Variants in KCNMA1 observed in about 807,000 individuals in gnomAD.
The protein encoded by KCNMA1 is potassium calcium-activated channel subfamily M alpha 1.
Under a neutral mutation model 140.0 loss-of-function variants are expected in KCNMA1, and 29 were observed. The observed-to-expected ratio is 0.21, with a 90% CI of 0.15 to 0.28. KCNMA1 has a LOEUF of 0.28. Among genes scored for constraint, KCNMA1 ranks in the 10% least tolerant of loss-of-function variants. The pLI is 1.00. For synonymous variants in KCNMA1, 612 were observed against 611.9 expected, an observed-to-expected ratio of 1.00 and a Z score of 0.00; for missense variants, 880 against 1,602.2, an observed-to-expected ratio of 0.55 and a Z score of 7.70.
At chr10:77,031,095 A>T (rs1407398707) in intron 15 of KCNMA1, among the ~76,000 whole-genome samples, 5 of 152,228 alleles carry the variant, frequency 3.3e-5, no homozygotes, top group Non-Finnish European at 7.3e-5. Flanking sequence ...TTTATGTAAA[A>T]AGCCAAAAGT....
chr10:77,391,813 G>T (rs923412707), intron 2 of KCNMA1, among the ~76,000 whole-genome samples: 1 of 151,744 alleles, frequency 6.6e-6, no homozygotes, highest in Admixed American at 6.6e-5. Context: ...TCCCGAGTGT[G>T]ACTTTCCAAG....
chr10:76,925,039 C>T (rs936627233), intron 23 of KCNMA1, among the ~76,000 whole-genome samples: 4 of 152,174 alleles, frequency 2.6e-5, no homozygotes, highest in African/African-American at 7.2e-5. Context: ...TCTTCCAGGA[C>T]GTCTGCCTTG....
At chr10:77,555,386 A>T (rs1822810430) in intron 1 of KCNMA1, among the ~76,000 whole-genome samples, 1 of 151,492 alleles carries the variant, frequency 6.6e-6, no homozygotes, top group African/African-American at 2.4e-5. Flanking sequence ...GGGCAGAAAG[A>T]AAAAAAACAG....
chr10:77,319,056 A>G (rs1464325746), intron 2 of KCNMA1, among the ~76,000 whole-genome samples: 1 of 152,180 alleles, frequency 6.6e-6, no homozygotes, highest in Non-Finnish European at 1.5e-5. Context: ...CTCTGCGGAG[A>G]ACATACATAT....
At chr10:77,289,092 G>A (rs2072181306) in intron 2 of KCNMA1, among the ~76,000 whole-genome samples, 1 of 152,268 alleles carries the variant, frequency 6.6e-6, no homozygotes, top group East Asian at 1.9e-4. Flanking sequence ...ACAGCTGGGA[G>A]CCTCTTGACA....
At chr10:77,611,771 A>G (rs968653656) in intron 1 of KCNMA1, among the ~76,000 whole-genome samples, 4 of 152,124 alleles carry the variant, frequency 2.6e-5, no homozygotes, top group Non-Finnish European at 5.9e-5. Context: ...CAACTTTACC[A>G]AAAACCCTTG....
chr10:77,507,860 T>A (rs1439021015), intron 1 of KCNMA1, among the ~76,000 whole-genome samples: 3 of 152,228 alleles, frequency 2.0e-5, no homozygotes, highest in Non-Finnish European at 4.4e-5. Flanking sequence ...CAATTCTGCT[T>A]CTAGGAATCT....
Position 76,885,198 on chromosome 10 carries a change from T to C in KCNMA1, c.*2068A>G, listed in dbSNP as rs1384416892. On this transcript the variant is annotated 3_prime_UTR_variant, in exon 28 of 28. Coordinates refer to ENST00000286628, the MANE Select transcript of KCNMA1 (RefSeq NM_001161352.2). Reference sequence around the variant, plus strand: ...ATGATCCAATACTAGGGGATACATATATATAGTTATATATATAGTTATATA... The same window carrying C: ...ATGATCCAATACTAGGGGATACATACATATAGTTATATATATAGTTATATA... The C allele has an allele frequency of 1.0e-5, 7 of 672,324 alleles. No individual in the cohort carries two copies. Among genetic ancestry groups the C allele is most frequent in the Non-Finnish European group, 1.3e-5 (7 of 532,358 alleles). The allele number at this position is 672,324 out of a possible 1,614,324, so 41.6% of individuals were successfully genotyped here.
At chr10:76,950,121 C>T (rs146922398) in intron 21 of KCNMA1, among the ~76,000 whole-genome samples, 53 of 152,278 alleles carry the variant, frequency 3.5e-4, no homozygotes, top group African/African-American at 1.2e-3. Flanking sequence ...CCTATGGGTG[C>T]TTTTATGCTA....
chr10:77,383,744 G>T (rs2095508533), intron 2 of KCNMA1, among the ~76,000 whole-genome samples: 1 of 152,004 alleles, frequency 6.6e-6, no homozygotes, highest in African/African-American at 2.4e-5. Flanking sequence ...TCTCTGGAGT[G>T]CACTGGCATG....
intron 19 of KCNMA1, among the ~76,000 whole-genome samples, chr10:76,990,145 G>T (rs182632365): frequency 2.6e-5 from 4 of 152,202 alleles, no homozygotes; most frequent in Non-Finnish European, 5.9e-5. Flanking sequence ...AGTAGGACAT[G>T]ATGTCTATGC....
intron 6 of KCNMA1, among the ~76,000 whole-genome samples, chr10:77,118,756 G>A (rs1247021937): frequency 2.6e-5 from 4 of 152,168 alleles, no homozygotes; most frequent in Non-Finnish European, 5.9e-5. Flanking sequence ...CAACCCCTGG[G>A]CATGCTGACA....
chr10:77,590,436 C>G (rs2078734824), intron 1 of KCNMA1, among the ~76,000 whole-genome samples: 1 of 152,224 alleles, frequency 6.6e-6, no homozygotes, highest in African/African-American at 2.4e-5. Flanking sequence ...TGCGGGAAGG[C>G]AGCTAAGGCC....
At chr10:77,468,724 G>A (rs1179156371) in intron 1 of KCNMA1, among the ~76,000 whole-genome samples, 3 of 152,188 alleles carry the variant, frequency 2.0e-5, no homozygotes, top group African/African-American at 7.2e-5. Flanking sequence ...CACCTGGCCT[G>A]TAGTACTTTG....
chr10:77,587,675 G>C lies in KCNMA1; in HGVS notation c.378+49590C>G, dbSNP rs2077651613. 7.1e-6 allele frequency: 7 copies of C among 984,532 alleles called. No homozygotes were observed. The South Asian group carries it at 3.3e-4, about 46-fold the overall frequency. 61.0% of individuals were successfully genotyped at this position (984,532 alleles called of 1,614,324 possible). On this transcript the variant is annotated intron_variant, in intron 1 of 27. Transcript: ENST00000286628. ...GAGGACACCTTCAGTGGAATCTGTG[G>C]AAGGTACACATCAGATCTGCTCCCA...
At chr10:77,403,190 G>C (rs1344050160) in intron 2 of KCNMA1, among the ~76,000 whole-genome samples, 2 of 152,192 alleles carry the variant, frequency 1.3e-5, no homozygotes, top group Non-Finnish European at 2.9e-5. Flanking sequence ...CATATAAGCA[G>C]ATCAGAGAGA....
At chr10:77,220,087 T>C (rs2049096948) in intron 3 of KCNMA1, among the ~76,000 whole-genome samples, 1 of 152,206 alleles carries the variant, frequency 6.6e-6, no homozygotes, top group Admixed American at 6.5e-5. Flanking sequence ...GTTCTGAGTG[T>C]TTTTATCTGT....
intron 1 of KCNMA1, among the ~76,000 whole-genome samples, chr10:77,476,364 A>G (rs948756380): frequency 1.3e-4 from 20 of 151,006 alleles, no homozygotes; most frequent in Admixed American, 1.3e-3. Context: ...AATCCAATCC[A>G]CCTCCCACTC....
In KCNMA1 at chr10:76,949,349, G is replaced by C. The variant is rs778488869; in HGVS notation, c.2502C>G (p.Ala834=). The C allele has an allele frequency of 9.9e-6, 16 of 1,613,960 alleles. No individual in the cohort carries two copies. In the South Asian group the frequency reaches 1.4e-4, roughly 14 times the overall value. The change falls in exon 22 of 28, where the codon GCC becomes GCG. Residue 834 remains alanine, a synonymous_variant. Transcript: ENST00000286628. The part of the protein sequence containing the change: ...EKVILTRSEA[A]MTVLSGHVVV... ...CGACATGGCCACTCAGGACGGTCAT[G>C]GCAGCTTCACTTCGAGTCTACAACA...
Sources: allele counts gnomAD v4.1 joint callset (sites outside exome capture counted in the v4.1 genomes callset), GRCh38; gene constraint gnomAD v4.1.1; transcripts MANE v1.5; gene names NCBI Gene and HGNC (gene_info 2026-07-23, HGNC 2026-07-21).